DCHS2: variants seen among roughly 807,000 people sequenced by gnomAD.
DCHS2 encodes the protein dachsous cadherin-related 2.
A neutral mutation model predicts 182.4 loss-of-function variants in DCHS2; 142 were observed. The ratio of observed to expected loss-of-function variants is 0.78; its 90% CI spans 0.68 to 0.89. The LOEUF (loss-of-function observed/expected upper bound fraction) is 0.89. DCHS2 is among the 40% of genes least tolerant of loss of function. The pLI is 0.00. For synonymous variants in DCHS2, 1,740 were observed against 1,663.3 expected (o/e 1.05, Z -1.12); for missense variants, 4,319 against 4,198.6 (o/e 1.03, Z -0.79).
chr4:154,304,660 CAAACT>C lies in DCHS2; in HGVS notation c.5605+4_5605+8del. On this transcript the variant is annotated splice_donor_5th_base_variant and intron_variant, in intron 12 of 19. Coordinates refer to ENST00000357232, the MANE Select transcript of DCHS2 (RefSeq NM_001358235.2). ...ACAAACAAACAAACAAACAAACAAA[CAAACT>C]TACCAATTATGTGATATTCAACAGC... The C allele has an allele frequency of 6.3e-7, 1 of 1,593,970 alleles. No individual in the cohort carries two copies.
intron 3 of DCHS2, among the ~76,000 whole-genome samples, chr4:154,337,258 C>G (rs1448987271): frequency 6.6e-6 from 1 of 152,202 alleles, no homozygotes; most frequent in African/African-American, 2.4e-5. Context: ...CATCCCCACT[C>G]ACCAGGTATA....
chr4:154,378,560 G>GGAAGGAAGGAAA (rs1561078204), intron 1 of DCHS2, among the ~76,000 whole-genome samples: 5 of 151,088 alleles, frequency 3.3e-5, no homozygotes, highest in Admixed American at 6.6e-5. Flanking sequence ...AAGGAAGGAA[G>GGAAGGAAGGAAA]GAAGGTAGGA....
chr4:154,296,929 A>G (rs532870486), intron 13 of DCHS2, among the ~76,000 whole-genome samples: 1 of 152,350 alleles, frequency 6.6e-6, no homozygotes, highest in East Asian at 1.9e-4. Context: ...TAAATAATTT[A>G]TATCAAGGCT....
At chr4:154,378,231 A>T (rs1211541400) in intron 1 of DCHS2, among the ~76,000 whole-genome samples, 1 of 152,124 alleles carries the variant, frequency 6.6e-6, no homozygotes, top group South Asian at 2.1e-4. Flanking sequence ...TGAAATTATG[A>T]AAGCACTTAA....
At position 154,235,146 on chromosome 4, in the gene DCHS2, T is replaced by G; in HGVS notation, c.9506A>C (p.Gln3169Pro). The stretch of plus-strand genomic sequence containing the variant: ...ACAGGTGGTGCTGCAGCCTTCCCCT[T>G]GATCTCCTTCCCCAAATGTTTGGCT... ...EASQTFGEGD[Q>P]GEGCSTTCAQ... is the part of the protein sequence containing the mutation. The change falls in exon 20 of 20, where the codon CAA (glutamine) becomes CCA (proline). Residue 3169 changes from glutamine (Q) to proline (P), a missense_variant. By Grantham distance (76) the Gln-to-Pro change is moderately conservative. Coordinates refer to ENST00000357232, the MANE Select transcript of DCHS2 (RefSeq NM_001358235.2). 6 of 1,614,040 alleles carry G rather than the reference T, an allele frequency of 3.7e-6. No individual in the cohort carries two copies. The highest frequency in any genetic ancestry group is 5.1e-6 in the Non-Finnish European group (6 of 1,179,958).
intron 13 of DCHS2, among the ~76,000 whole-genome samples, chr4:154,274,354 G>C (rs188099538): frequency 1.2e-3 from 186 of 152,244 alleles, no homozygotes; most frequent in Non-Finnish European, 2.2e-3. Flanking sequence ...TACCATCTCT[G>C]ATAGAGAAGA....
Position 154,322,450 on chromosome 4 carries a change from CA to C in DCHS2, c.4056del (p.Asn1352LysfsTer4). 6.2e-7 allele frequency: 1 copy of C among 1,613,524 alleles called. No homozygotes were observed. The highest frequency in any genetic ancestry group is 8.5e-7 in the Non-Finnish European group (1 of 1,179,728). On this transcript the variant is annotated frameshift_variant, in exon 8 of 20. Coordinates refer to ENST00000357232, the MANE Select transcript of DCHS2 (RefSeq NM_001358235.2). LOFTEE classifies it high-confidence loss of function. Reference protein sequence around the residue: ...SSDHFKIDANNGEIRTTTILS... With the variant: ...SSDHFKIDANXGEIRTTTILS... ...AGTATTGTGGTTGTTCTTATTTCAC[CA>C]TTGTTGGCGTCAATCTTAAAGTGAT... is the stretch of plus-strand genomic sequence containing the variant.
intron 2 of DCHS2, among the ~76,000 whole-genome samples, chr4:154,370,491 C>T (rs1181965722): frequency 1.3e-5 from 2 of 151,828 alleles, no homozygotes; most frequent in Non-Finnish European, 2.9e-5. Context: ...ATTATTATGC[C>T]CTGTATGCTT....
chr4:154,239,338 TA>T (rs1731690468), intron 18 of DCHS2, 36 bp from the exon 19 acceptor site: 1 of 1,608,576 alleles, frequency 6.2e-7, no homozygotes, highest in Non-Finnish European at 8.5e-7. Flanking sequence ...ACATTGTGCT[TA>T]AAGGCTGAAG....
At chr4:154,267,685 A>G (rs1052086282) in intron 14 of DCHS2, among the ~76,000 whole-genome samples, 8 of 137,670 alleles carry the variant, frequency 5.8e-5, no homozygotes, top group Non-Finnish European at 1.3e-4. Flanking sequence ...CTATGAATGT[A>G]GGTTCCATTG....
chr4:154,332,819 G>T lies in DCHS2; in HGVS notation c.3389C>A (p.Ser1130Tyr), dbSNP rs2111363411. Residue 1130 changes from serine (S) to tyrosine (Y), a missense_variant, in exon 5 of 20, where the codon TCT (serine) becomes TAT (tyrosine). Transcript: ENST00000357232. Reference sequence around the variant, plus strand: ...GTAAGGGCGGATTCCAAACATAGCAGAGTCTACGCTGGGTTCCAGCGAGTA... The same window carrying T: ...GTAAGGGCGGATTCCAAACATAGCATAGTCTACGCTGGGTTCCAGCGAGTA... The part of the protein sequence containing the change: ...LRYSLEPSVD[S>Y]AMFGIRPYTG... 1 of 1,614,256 alleles carries T rather than the reference G, an allele frequency of 6.2e-7. No individual in the cohort carries two copies. The highest frequency in any genetic ancestry group is 1.1e-5 in the South Asian group (1 of 91,086).
At chr4:154,466,468 C>T (rs915076463) in intron 1 of DCHS2, among the ~76,000 whole-genome samples, 4 of 152,140 alleles carry the variant, frequency 2.6e-5, no homozygotes, top group Non-Finnish European at 2.9e-5. Context: ...CAAGCGGTAA[C>T]GAAGCCAGCT....
chr4:154,489,870 G>A lies in DCHS2; in HGVS notation c.1486C>T (p.Pro496Ser), dbSNP rs1728732188. ...AGATCGCGGCTCTCTCTGTCCAGGGGCCCCTCCACGCAAAGGAAAAATACC... is the reference window on the plus strand; with the variant it reads ...AGATCGCGGCTCTCTCTGTCCAGGGACCCCTCCACGCAAAGGAAAAATACC... ...PGVFFLCVEG[P>S]LDRESRDLYE... The change falls in exon 1 of 20, where the codon CCC becomes TCC. Residue 496 changes from proline (P) to serine (S), a missense_variant. Coordinates refer to ENST00000357232, the MANE Select transcript of DCHS2 (RefSeq NM_001358235.2). 1.9e-6 allele frequency: 3 copies of A among 1,544,146 alleles called. No individual in the cohort carries two copies. The highest frequency in any genetic ancestry group is 2.0e-5 in the Admixed American group (1 of 50,464).
At chr4:154,238,525 G>T (rs1434533192) in intron 19 of DCHS2, among the ~76,000 whole-genome samples, 2 of 152,094 alleles carry the variant, frequency 1.3e-5, no homozygotes, top group Admixed American at 1.3e-4. Flanking sequence ...TCCACTCACT[G>T]TTCAACTTTC....
intron 14 of DCHS2, among the ~76,000 whole-genome samples, chr4:154,268,402 T>G (rs1304402465): frequency 6.6e-6 from 1 of 152,188 alleles, no homozygotes; most frequent in East Asian, 1.9e-4. Flanking sequence ...AGCTACTGAC[T>G]AATAGACAGG....
At chr4:154,403,223 G>C (rs746009818) in intron 1 of DCHS2, among the ~76,000 whole-genome samples, 23 of 152,064 alleles carry the variant, frequency 1.5e-4, no homozygotes, top group Non-Finnish European at 2.8e-4. Context: ...GGTGAGAAAA[G>C]CACATTTTTC....
chr4:154,366,397 G>A lies in DCHS2; in HGVS notation c.2289C>T (p.Asp763=), dbSNP rs530122229. The change falls in exon 3 of 20, where the codon GAC becomes GAT. Residue 763 remains aspartate, a synonymous_variant. Transcript: ENST00000357232. ...TAAACACAGGATGATTATCATTCACGTCCTCCAGGTCCACACGAACAAAGG... is the reference window on the plus strand; with the variant it reads ...TAAACACAGGATGATTATCATTCACATCCTCCAGGTCCACACGAACAAAGG... ...AQAFVRVDLE[D]VNDNHPVFNP... The A allele has an allele frequency of 3.3e-5, 54 of 1,613,804 alleles. No homozygotes were observed. Among genetic ancestry groups the A allele is most frequent in the South Asian group, 8.8e-5 (8 of 91,034 alleles).
intron 13 of DCHS2, among the ~76,000 whole-genome samples, chr4:154,289,259 C>T (rs761812798): frequency 5.9e-5 from 9 of 151,686 alleles, no homozygotes; most frequent in East Asian, 1.9e-4. Flanking sequence ...GAAGGCATTC[C>T]GACAGATACT....
At chr4:154,297,773 C>T in intron 13 of DCHS2, 78 bp downstream of exon 13, 14 of 1,520,496 alleles carry the variant, frequency 9.2e-6, no homozygotes, top group South Asian at 1.3e-5. Context: ...CGCAATGGCA[C>T]TCTTGTAGTA....
Sources: gnomAD v4.1 joint callset for allele counts (sites outside exome capture counted in the v4.1 genomes callset) on GRCh38, gnomAD v4.1.1 for gene constraint, MANE v1.5 for transcripts, NCBI Gene and HGNC (gene_info 2026-07-23, HGNC 2026-07-21) for gene names.